ETNPPL: variants seen among roughly 807,000 people sequenced by gnomAD.
ETNPPL encodes the protein alanine--glyoxylate aminotransferase 2-like 1.
Under a neutral mutation model 55.5 loss-of-function variants are expected in ETNPPL, and 30 were observed. That is an observed-to-expected ratio of 0.54 (90% CI 0.40 to 0.73). The LOEUF (loss-of-function observed/expected upper bound fraction) is 0.73. ETNPPL is among the 30% of genes least tolerant of loss of function. ETNPPL has a pLI of 0.00. For synonymous variants in ETNPPL, 202 were observed against 207.2 expected, an observed-to-expected ratio of 0.98 and a Z score of 0.21; for missense variants, 528 against 607.9, an observed-to-expected ratio of 0.87 and a Z score of 1.38.
At chr4:108,761,881 C>G (rs1472352057) in intron 1 of ETNPPL, among the ~76,000 whole-genome samples, 1 of 152,158 alleles carries the variant, frequency 6.6e-6, no homozygotes, top group Non-Finnish European at 1.5e-5. Context: ...GAAGAGGATG[C>G]GGATTGTTTT....
chr4:108,752,629 C>G (rs929404984), intron 6 of ETNPPL, among the ~76,000 whole-genome samples: 1 of 152,092 alleles, frequency 6.6e-6, no homozygotes, highest in Non-Finnish European at 1.5e-5. Flanking sequence ...TAGACTAGAC[C>G]CTGCATACCA....
intron 7 of ETNPPL, among the ~76,000 whole-genome samples, chr4:108,750,019 C>A (rs962708805): frequency 1.3e-5 from 2 of 152,120 alleles, no homozygotes; most frequent in African/African-American, 4.8e-5. Flanking sequence ...AGTCCTATTA[C>A]CATATTACCT....
At chr4:108,757,920 T>C (rs1177366081) in intron 3 of ETNPPL, among the ~76,000 whole-genome samples, 1 of 151,822 alleles carries the variant, frequency 6.6e-6, no homozygotes, top group African/African-American at 2.4e-5. Context: ...GGTTTTAAAA[T>C]ATCTTAATGG....
rs372585512 is a variant in ETNPPL, at chr4:108,742,877, ACTT to A, written c.1372-268_1372-266del. Among the ~76,000 whole-genome samples, 414 of 152,222 alleles carry A rather than the reference ACTT, an allele frequency of 2.7e-3. 3 individuals carry two copies. Among genetic ancestry groups the A allele is most frequent in the African/African-American group, 9.7e-3 (404 of 41,552 alleles). On this transcript the variant is annotated intron_variant, in intron 12 of 12. Coordinates refer to ENST00000296486, the MANE Select transcript of ETNPPL (RefSeq NM_031279.4). ...TAAAGTGGGATTTCTTGTGCTGAAC[ACTT>A]CTTTTGTTTTGTTTTGTTTCATTTG...
Position 108,748,029 on chromosome 4 carries a change from T to G in ETNPPL, c.1058A>C (p.Lys353Thr). The G allele has an allele frequency of 6.2e-7, 1 of 1,610,862 alleles. No homozygotes were observed. The highest frequency in any genetic ancestry group is 8.5e-7 in the Non-Finnish European group (1 of 1,178,902). ...CCTAATATCTCCTATCAAAGTGTGT[T>G]TAGCCTTCTGTTTTTTCAGTAACTC... ...LTELLKKQKA[K>T]HTLIGDIRGI... Residue 353 changes from lysine to threonine, a missense_variant, in exon 9 of 13, where the codon AAA becomes ACA. Coordinates refer to ENST00000296486, the MANE Select transcript of ETNPPL (RefSeq NM_031279.4).
chr4:108,759,094 G>A (rs1366477989), intron 3 of ETNPPL, among the ~76,000 whole-genome samples: 1 of 152,120 alleles, frequency 6.6e-6, no homozygotes, highest in African/African-American at 2.4e-5. Flanking sequence ...ATCTATTTGA[G>A]TTTCCTTCTT....
rs1276899441 is a variant in ETNPPL at position 108,760,218 on chromosome 4, A to G, written c.145T>C (p.Tyr49His). Residue 49 changes from tyrosine (Y) to histidine (H), a missense_variant, in exon 2 of 13, where the codon TAC (tyrosine) becomes CAC (histidine). Transcript: ENST00000296486. The part of the protein sequence containing the change: ...QYMFDENGEQ[Y>H]LDCINNVAHV... ...GCAACATTGTTGATGCAGTCCAAGT[A>G]CTGTTCACCGTTCTCATCAAACATG... 6.2e-7 allele frequency: 1 copy of G among 1,610,128 alleles called. No homozygotes were observed. The highest frequency in any genetic ancestry group is 1.3e-5 in the African/African-American group (1 of 74,860).
At chr4:108,759,642 C>G (rs1475749490) in intron 3 of ETNPPL, 107 bp downstream of exon 3, 42 of 1,190,706 alleles carry the variant, frequency 3.5e-5, no homozygotes, top group Non-Finnish European at 4.1e-5. Context: ...AGAAACTCAG[C>G]AAACCCTTTT....
At position 108,749,256 on chromosome 4, in the gene ETNPPL, C is replaced by T; in HGVS notation, c.909G>A (p.Gly303=). 2 of 1,613,054 alleles carry T rather than the reference C, an allele frequency of 1.2e-6. No individual in the cohort carries two copies. Among genetic ancestry groups the T allele is most frequent in the Non-Finnish European group, 1.7e-6 (2 of 1,179,106 alleles). Residue 303 remains glycine, a synonymous_variant, in exon 8 of 13, where the codon GGG becomes GGA. Coordinates refer to ENST00000296486, the MANE Select transcript of ETNPPL (RefSeq NM_031279.4). ...KEIAEAFSSS[G]MEYFNTYGGN... ...AATGTACCGTATTAAAATATTCCAT[C>T]CCAGAGCTGCTGAAGGCTTCTGCAA... is the stretch of plus-strand genomic sequence containing the variant.
In ETNPPL at chr4:108,762,447, G is replaced by A. The variant is rs61197419; in HGVS notation, c.56+396C>T. The stretch of plus-strand genomic sequence containing the variant: ...AGCCATCATGAAAAAATATTTCTCA[G>A]TTCACAGTTTCCAAAAACTTTCGAG... On this transcript the variant is annotated intron_variant, in intron 1 of 12. Transcript: ENST00000296486. The A allele has an allele frequency of 9.8e-4, 588 of 600,186 alleles. 2 individuals are homozygous for A. The highest frequency in any genetic ancestry group is 8.1e-3 in the African/African-American group (445 of 55,024). 37.2% of individuals were successfully genotyped at this position (600,186 alleles called of 1,614,324 possible). A position where few individuals can be genotyped will look rare whatever the true frequency, so the allele number is the denominator to read the frequency against.
At chr4:108,754,574 ATT>A in intron 5 of ETNPPL, 44 bp downstream of exon 5, 2 of 988,676 alleles carry the variant, frequency 2.0e-6, no homozygotes, top group Non-Finnish European at 3.2e-6. Context: ...ATCATTAAGC[ATT>A]CCTCCAATAC....
At chr4:108,751,991 T>G (rs1728935683) in intron 6 of ETNPPL, among the ~76,000 whole-genome samples, 1 of 152,230 alleles carries the variant, frequency 6.6e-6, no homozygotes, top group South Asian at 2.1e-4. Context: ...TGCCATTTGT[T>G]TAAACAGGTA....
At position 108,762,996 on chromosome 4, in the gene ETNPPL, C is replaced by T; in HGVS notation, c.-98G>A. The T allele has an allele frequency of 8.6e-7, 1 of 1,157,432 alleles. No homozygotes were observed. Among genetic ancestry groups the T allele is most frequent in the Non-Finnish European group, 1.3e-6 (1 of 782,530 alleles). 71.7% of individuals were successfully genotyped at this position (1,157,432 alleles called of 1,614,324 possible). On this transcript the variant is annotated 5_prime_UTR_variant, in exon 1 of 13. Coordinates refer to ENST00000296486, the MANE Select transcript of ETNPPL (RefSeq NM_031279.4). ...GCCTTGGCGGCCCCGGCCGGCCTTC[C>T]TCCCGTTATCCCTCCTGGCGTTCTC...
intron 8 of ETNPPL, 150 bp from the exon 9 acceptor site, chr4:108,748,309 T>C (rs1318726492): frequency 1.7e-6 from 1 of 574,532 alleles, no homozygotes; most frequent in South Asian, 2.7e-5. Flanking sequence ...ATATTTAGAA[T>C]AGAGCATGAT....
intron 4 of ETNPPL, among the ~76,000 whole-genome samples, chr4:108,755,653 C>T (rs2125679539): frequency 6.6e-6 from 1 of 152,184 alleles, no homozygotes; most frequent in African/African-American, 2.4e-5. Flanking sequence ...CCTGTCTCTA[C>T]TAAAAATACA....
chr4:108,749,400 A>C lies in ETNPPL; in HGVS notation c.765T>G (p.Val255=). The part of the protein sequence containing the change: ...ADEVQVGFGR[V]GKHFWSFQMY... ...TCTGGAAGCTCCAGAAATGTTTCCC[A>C]ACTCTGCCAAAGCCCACTTGAACTT... is the stretch of plus-strand genomic sequence containing the variant. The change falls in exon 8 of 13, where the codon GTT becomes GTG. Residue 255 remains valine (V), a synonymous_variant. Coordinates refer to ENST00000296486, the MANE Select transcript of ETNPPL (RefSeq NM_031279.4). 1 of 1,614,058 alleles carries C rather than the reference A, an allele frequency of 6.2e-7. No homozygotes were observed. The highest frequency in any genetic ancestry group is 8.5e-7 in the Non-Finnish European group (1 of 1,179,992).
chr4:108,749,542 AG>A (rs1165827519), intron 7 of ETNPPL, 79 bp from the exon 8 acceptor site: 1 of 1,122,250 alleles, frequency 8.9e-7, no homozygotes, highest in Non-Finnish European at 1.3e-6. Flanking sequence ...AAATTATTGA[AG>A]ACAAAAAAAA....
intron 8 of ETNPPL, among the ~76,000 whole-genome samples, chr4:108,748,638 T>TGGGG (rs1728737982): frequency 6.6e-6 from 1 of 152,196 alleles, no homozygotes; most frequent in Admixed American, 6.5e-5. Flanking sequence ...TTAAAGCTTA[T>TGGGG]GGGGATAAGT....
intron 5 of ETNPPL, among the ~76,000 whole-genome samples, chr4:108,753,973 C>CTT (rs1213568977): frequency 0.03 from 3,690 of 122,724 alleles, 236 homozygotes; most frequent in African/African-American, 0.098. Context: ...TTTTTCTTTT[C>CTT]TTTTTTTTTT....
Sources: allele counts gnomAD v4.1 joint callset (sites outside exome capture counted in the v4.1 genomes callset), GRCh38; gene constraint gnomAD v4.1.1; transcripts MANE v1.5; gene names NCBI Gene and HGNC (gene_info 2026-07-23, HGNC 2026-07-21).